GABRE: variants seen among roughly 807,000 people sequenced by gnomAD.
The protein encoded by GABRE is gamma-aminobutyric acid type A receptor subunit epsilon.
GABRE carries 20 observed loss-of-function variants against 31.0 expected under a neutral mutation model. The observed-to-expected ratio is 0.64, with a 90% CI of 0.45 to 0.94. The LOEUF (loss-of-function observed/expected upper bound fraction) is 0.94, where lower values mean the gene tolerates loss of function less well. GABRE is among the 40% of genes least tolerant of loss of function. The pLI, the probability that GABRE is intolerant of heterozygous loss-of-function variation, is 0.00. For synonymous variants in GABRE, 155 were observed against 150.6 expected, an observed-to-expected ratio of 1.03 and a Z score of -0.21; for missense variants, 420 against 410.7, an observed-to-expected ratio of 1.02 and a Z score of -0.20.
intron 8 of GABRE, 57 bp from the exon 9 acceptor site, chrX:151,955,141 A>C (rs1934112065): frequency 8.5e-7 from 1 of 1,181,228 alleles, no homozygotes; most frequent in Non-Finnish European, 1.1e-6. Context: ...CCCAAGTCTA[A>C]GTGCTGCCTC....
At chrX:151,955,638 A>G (rs1290306177) in intron 7 of GABRE, 70 bp downstream of exon 7, 1 of 1,198,736 alleles carries the variant, frequency 8.3e-7, no homozygotes, top group Non-Finnish European at 1.1e-6. Flanking sequence ...ACTCCATGAC[A>G]AGGCAACTCT....
intron 4 of GABRE, among the ~76,000 whole-genome samples, chrX:151,962,048 C>T (rs533940832): frequency 9.0e-6 from 1 of 111,457 alleles, no homozygotes; most frequent in Admixed American, 9.5e-5. Flanking sequence ...TTGCCACTAC[C>T]GTGCTGCTGC....
chrX:151,961,188 G>C, intron 5 of GABRE, 95 bp downstream of exon 5: 1 of 594,812 alleles, frequency 1.7e-6, no homozygotes, highest in Non-Finnish European at 2.8e-6. Context: ...CATTTTAGAA[G>C]AAAAGCAGAG....
rs1004581206 is a variant in GABRE at position 151,970,019 on chromosome X, T to C, written c.274+166A>G. Reference sequence around the variant, plus strand: ...AGGGAAAAGTCTTGATCAAGGTCAATGACACTGCTGAGAATAGAGTTAATA... The same window carrying C: ...AGGGAAAAGTCTTGATCAAGGTCAACGACACTGCTGAGAATAGAGTTAATA... On this transcript the variant is annotated intron_variant, in intron 2 of 8. Coordinates refer to ENST00000370328, the MANE Select transcript of GABRE (RefSeq NM_004961.4). 11 of 1,094,011 alleles carry C rather than the reference T, an allele frequency of 1.0e-5. No homozygotes were observed. In the East Asian group the frequency reaches 2.6e-4, roughly 26 times the overall value. 90.2% of individuals were successfully genotyped at this position (1,094,011 alleles called of 1,213,427 possible). A position where few individuals can be genotyped will look rare whatever the true frequency, so the allele number is the denominator to read the frequency against.
intron 6 of GABRE, chrX:151,958,985 T>G: frequency 6.1e-6 from 2 of 328,574 alleles, no homozygotes; most frequent in South Asian, 5.2e-5. Context: ...ACAAGATGCC[T>G]CTCACGACAA....
chrX:151,971,855 G>C (rs1055544745), intron 1 of GABRE: 3 of 85,977 alleles, frequency 3.5e-5, no homozygotes, highest in South Asian at 6.8e-4. Flanking sequence ...GTGTGTGTGT[G>C]TGTGTGTGTG....
Position 151,955,039 on chromosome X carries a change from G to A in GABRE, c.1183C>T (p.Arg395Ter), listed in dbSNP as rs1278142872. 5 of 1,200,801 alleles carry A rather than the reference G, an allele frequency of 4.2e-6. No individual in the cohort carries two copies. Among genetic ancestry groups the A allele is most frequent in the Middle Eastern group, 2.3e-4 (1 of 4,325 alleles). ...TCCTGATGTTGGCGGGCACAGGCTC[G>A]GGAACGTGCACGGGTACGGGCATGG... Reference protein sequence around the residue: ...RAHARTRARSRACARQHQEAF... With the variant: ...RAHARTRARS Residue 395 changes from arginine to a stop codon, truncating the protein, a stop_gained, in exon 9 of 9, where the codon CGA (arginine) becomes TGA (stop). Transcript: ENST00000370328. LOFTEE classifies it high-confidence loss of function.
At chrX:151,969,417 C>T (rs1603104975) in intron 3 of GABRE, 2 of 285,715 alleles carry the variant, frequency 7.0e-6, no homozygotes, top group East Asian at 1.1e-4. Flanking sequence ...TTTAACATTG[C>T]TTTATTATTT....
intron 6 of GABRE, chrX:151,959,186 G>A (rs1226055356): frequency 7.2e-6 from 2 of 278,198 alleles, no homozygotes; most frequent in African/African-American, 2.8e-5. Context: ...ATCTAATTGG[G>A]AGCTGAAGTG....
intron 3 of GABRE, 120 bp downstream of exon 3, chrX:151,969,549 T>G (rs767462605): frequency 1.3e-5 from 9 of 699,877 alleles, no homozygotes; most frequent in Middle Eastern, 7.0e-4. Flanking sequence ...CCTTTCTCCC[T>G]CCAGAAAATA....
chrX:151,971,376 C>T (rs1416632061), intron 1 of GABRE: 7 of 276,408 alleles, frequency 2.5e-5, no homozygotes, highest in Admixed American at 2.5e-4. Flanking sequence ...ATATCTGGAT[C>T]TTATTTTATT....
chrX:151,965,585 G>A (rs1351381579), intron 3 of GABRE, among the ~76,000 whole-genome samples: 3 of 112,626 alleles, frequency 2.7e-5, no homozygotes, highest in Non-Finnish European at 3.7e-5. Context: ...ATGGCAGCCT[G>A]GCCCTGGGAT....
chrX:151,959,453 C>T, intron 6 of GABRE: 3 of 301,497 alleles, frequency 1.0e-5, no homozygotes, highest in Non-Finnish European at 1.9e-5. Flanking sequence ...GCTTCCCATT[C>T]AACCAGACTG....
intron 6 of GABRE, chrX:151,956,640 G>T (rs1486301636): frequency 8.9e-6 from 1 of 112,170 alleles, no homozygotes; most frequent in Non-Finnish European, 1.9e-5. Context: ...CTTAGTCTAT[G>T]ACCCCTAACC....
At chrX:151,963,933 T>C (rs1315782139) in intron 3 of GABRE, among the ~76,000 whole-genome samples, 1 of 112,158 alleles carries the variant, frequency 8.9e-6, no homozygotes, top group African/African-American at 3.2e-5. Flanking sequence ...AAAAATGACA[T>C]GTCTGTACAC....
At chrX:151,956,499 A>G (rs1934173666) in intron 6 of GABRE, 1 of 112,164 alleles carries the variant, frequency 8.9e-6, no homozygotes, top group African/African-American at 3.3e-5. Flanking sequence ...CTGATGCTAA[A>G]GGCCCACCAT....
Position 151,970,358 on chromosome X carries a change from C to T in GABRE, c.101G>A (p.Arg34His), listed in dbSNP as rs750900562. ...QTESKNEASS[R>H]DVVYGPQPQP... Reference sequence around the variant, plus strand: ...GGGCTGGGGGCCATAGACAACATCACGGGAAGAGGCTTCATTCTTTGATTC... The same window carrying T: ...GGGCTGGGGGCCATAGACAACATCATGGGAAGAGGCTTCATTCTTTGATTC... The change falls in exon 2 of 9, where the codon CGT (arginine) becomes CAT (histidine). Residue 34 changes from arginine (R) to histidine (H), a missense_variant. Coordinates refer to ENST00000370328, the MANE Select transcript of GABRE (RefSeq NM_004961.4). The T allele has an allele frequency of 1.2e-5, 15 of 1,209,586 alleles. No homozygotes were observed. Among genetic ancestry groups the T allele is most frequent in the Admixed American group, 4.4e-5 (2 of 45,868 alleles).
At chrX:151,968,032 C>T (rs192097685) in intron 3 of GABRE, among the ~76,000 whole-genome samples, 19 of 112,639 alleles carry the variant, frequency 1.7e-4, no homozygotes, top group Admixed American at 4.7e-4. Context: ...ATAAAAAGTC[C>T]GTGATTTCCA....
intron 1 of GABRE, chrX:151,972,090 A>G (rs1333407289): frequency 1.2e-5 from 9 of 751,235 alleles, no homozygotes; most frequent in Non-Finnish European, 1.4e-5. Flanking sequence ...AATAAGGGGT[A>G]AACAGGGCAA....
Sources: allele counts gnomAD v4.1 joint callset (sites outside exome capture counted in the v4.1 genomes callset), GRCh38; gene constraint gnomAD v4.1.1; transcripts MANE v1.5; gene names NCBI Gene and HGNC (gene_info 2026-07-23, HGNC 2026-07-21).